MRTFB: variants seen among roughly 807,000 people sequenced by gnomAD.
MRTFB encodes the protein myocardin-related transcription factor B.
In MRTFB, 29 loss-of-function variants were observed where a neutral mutation model predicts 104.2. That is an observed-to-expected ratio of 0.28 (90% confidence interval 0.21 to 0.38). The LOEUF (loss-of-function observed/expected upper bound fraction) is 0.38. Ranked by LOEUF, MRTFB falls within the 10% of genes least tolerant of loss-of-function variation. The pLI is 1.00. For missense variants in MRTFB, 1,270 were observed against 1,341.6 expected (o/e 0.95, Z 0.83); for synonymous variants, 535 against 519.5 (o/e 1.03, Z -0.41).
chr16:14,244,221 C>A (rs369174120), intron 10 of MRTFB, among the ~76,000 whole-genome samples: 10 of 152,088 alleles, frequency 6.6e-5, no homozygotes, highest in Non-Finnish European at 1.2e-4. Context: ...GTGCTGATAG[C>A]AGTTCATTTT....
upstream of MRTFB, among the ~76,000 whole-genome samples, chr16:14,069,024 C>A (rs142653851): frequency 6.6e-3 from 793 of 119,834 alleles, 9 homozygotes; most frequent in African/African-American, 0.024. Flanking sequence ...GGCTGGAGTT[C>A]AATAATGCAA....
rs374918974 is a variant in MRTFB, at chr16:14,135,777, T to A, written c.-63-4767T>A. On this transcript the variant is annotated intron_variant, in intron 2 of 16. Coordinates refer to ENST00000571589, the MANE Select transcript of MRTFB (RefSeq NM_001308142.2). ...GTCCACATTCCTTTACAGTTGTGCT[T>A]TACTGCACCAGCCTTATCTTCTACC... is the stretch of plus-strand genomic sequence containing the variant. Among the ~76,000 whole-genome samples, 62 of 152,336 alleles carry A rather than the reference T, an allele frequency of 4.1e-4. 1 individual carries two copies. The South Asian group carries it at 0.012, about 30-fold the overall frequency.
Position 14,261,498 on chromosome 16 carries a change from A to G in MRTFB, c.*54A>G, listed in dbSNP as rs955743342. On this transcript the variant is annotated 3_prime_UTR_variant, in exon 17 of 17. Coordinates refer to ENST00000571589, the MANE Select transcript of MRTFB (RefSeq NM_001308142.2). ...TGAGGTTTAAGAACATGAAGATTCT[A>G]AAAGGTCAGTTTTTAGAGATAGATC... is the stretch of plus-strand genomic sequence containing the variant. 8.0e-6 allele frequency: 12 copies of G among 1,497,202 alleles called. No homozygotes were observed. Among genetic ancestry groups the G allele is most frequent in the Non-Finnish European group, 9.9e-6 (11 of 1,112,918 alleles). 92.7% of individuals were successfully genotyped at this position (1,497,202 alleles called of 1,614,324 possible).
rs1186281932 is a variant in MRTFB, at chr16:14,246,708, C to T, written c.1448C>T (p.Ala483Val). Residue 483 changes from alanine to valine, a missense_variant, in exon 12 of 17, where the codon GCA becomes GTA. Ala to Val is a moderately conservative substitution (Grantham distance 64). This residue lies in a region of MRTFB where 1,144 missense variants were observed against 1,131.5 expected (regional missense o/e 1.01). Transcript: ENST00000571589. ...ACTAGCTCAGTCTCTACTCTCAAGGCAGAATTGCCACCTACAGGAACCAGC... is the reference window on the plus strand; with the variant it reads ...ACTAGCTCAGTCTCTACTCTCAAGGTAGAATTGCCACCTACAGGAACCAGC... Reference protein sequence around the residue: ...TVTSSVSTLKAELPPTGTSNA... With the variant: ...TVTSSVSTLKVELPPTGTSNA... 3 of 1,614,194 alleles carry T rather than the reference C, an allele frequency of 1.9e-6. No homozygotes were observed. The highest frequency in any genetic ancestry group is 1.7e-5 in the Admixed American group (1 of 60,032).
rs763626967 is a variant in MRTFB at position 14,235,806 on chromosome 16, A to T, written c.831+1523A>T. 1.1e-3 allele frequency among the ~76,000 whole-genome samples: 167 copies of T among 152,302 alleles called. 1 individual carries two copies. Among genetic ancestry groups the T allele is most frequent in the Admixed American group, 1.3e-3 (20 of 15,298 alleles). On this transcript the variant is annotated intron_variant, in intron 9 of 16. Coordinates refer to ENST00000571589, the MANE Select transcript of MRTFB (RefSeq NM_001308142.2). ...TGGGACAATTATTTTATCACTCTAC[A>T]ACGATTATACTCGAACCGCATTTTG... is the stretch of plus-strand genomic sequence containing the variant.
intron 3 of MRTFB, among the ~76,000 whole-genome samples, chr16:14,159,746 G>T (rs1157523581): frequency 6.6e-6 from 1 of 151,288 alleles, no homozygotes. Context: ...CGGCTAAAAC[G>T]GTGAAACCCC....
intron 13 of MRTFB, among the ~76,000 whole-genome samples, chr16:14,250,739 G>A (rs761841561): frequency 2.6e-5 from 4 of 152,286 alleles, no homozygotes; most frequent in Admixed American, 6.5e-5. Flanking sequence ...GGTCTATGCC[G>A]CAAGGCTGCT....
intron 2 of MRTFB, among the ~76,000 whole-genome samples, chr16:14,083,428 A>T (rs2034522764): frequency 6.6e-6 from 1 of 152,184 alleles, no homozygotes; most frequent in Admixed American, 6.5e-5. Context: ...AGTCTGCCTC[A>T]TAGGGGATAC....
chr16:14,221,602 A>AAGAT (rs2041709216), intron 8 of MRTFB, among the ~76,000 whole-genome samples: 1 of 152,206 alleles, frequency 6.6e-6, no homozygotes, highest in South Asian at 2.1e-4. Flanking sequence ...CTTGTAAAGC[A>AAGAT]AGATAATAAA....
chr16:14,214,576 C>T (rs2041335801), intron 6 of MRTFB, among the ~76,000 whole-genome samples: 1 of 151,882 alleles, frequency 6.6e-6, no homozygotes, highest in African/African-American at 2.4e-5. Context: ...TAGAGGTGTT[C>T]CTTCATTGGC....
chr16:14,080,600 A>G lies in MRTFB; in HGVS notation c.-64+1246A>G, dbSNP rs373944599. 4.0e-4 allele frequency among the ~76,000 whole-genome samples: 61 copies of G among 152,276 alleles called. 1 individual carries two copies. The East Asian group carries it at 9.6e-3, about 24-fold the overall frequency. On this transcript the variant is annotated intron_variant, in intron 2 of 16. Coordinates refer to ENST00000571589, the MANE Select transcript of MRTFB (RefSeq NM_001308142.2). ...TAGATCTCTTTGAATTATTCCTTCT[A>G]TATCTAACTGGAATTTTGTATTCTT...
At chr16:14,227,188 A>G (rs1425467940) in intron 8 of MRTFB, among the ~76,000 whole-genome samples, 5 of 152,234 alleles carry the variant, frequency 3.3e-5, no homozygotes, top group Admixed American at 6.5e-5. Flanking sequence ...CATTCGGGTC[A>G]TGGGGGCAGA....
chr16:14,221,780 T>C (rs2041725646), intron 8 of MRTFB, among the ~76,000 whole-genome samples: 1 of 3,598 alleles, frequency 2.8e-4, no homozygotes, highest in African/African-American at 1.5e-3. Context: ...TTTCTTTCCT[T>C]TTTTTTTTTT....
chr16:14,214,255 G>A (rs951822837), intron 6 of MRTFB, among the ~76,000 whole-genome samples: 2 of 152,138 alleles, frequency 1.3e-5, no homozygotes, highest in African/African-American at 4.8e-5. Context: ...CAACTCCCAA[G>A]TTACATTTTC....
intron 3 of MRTFB, chr16:14,148,695 T>A (rs2038452206): frequency 6.5e-6 from 1 of 152,674 alleles, no homozygotes; most frequent in Non-Finnish European, 1.5e-5. Flanking sequence ...AGTCAGGACT[T>A]CAGTCTCCTC....
chr16:14,085,856 T>C (rs1243280780), intron 2 of MRTFB, among the ~76,000 whole-genome samples: 1 of 152,266 alleles, frequency 6.6e-6, no homozygotes, highest in East Asian at 1.9e-4. Flanking sequence ...TGTGACATTT[T>C]GTTTGAAATG....
intron 3 of MRTFB, among the ~76,000 whole-genome samples, chr16:14,180,641 G>A (rs1466242897): frequency 6.6e-5 from 10 of 152,222 alleles, no homozygotes; most frequent in African/African-American, 1.9e-4. Flanking sequence ...GAGGAGCCAC[G>A]CAAGCTGTCC....
At chr16:14,047,997 A>G in the MRTFB span, among the ~76,000 whole-genome samples, 1 of 152,234 alleles carries the variant, frequency 6.6e-6, no homozygotes, top group East Asian at 1.9e-4. Flanking sequence ...CCTTCTGCCT[A>G]TGAGCCTGTA....
Position 14,161,085 on chromosome 16 carries a change from C to CTTTTTTT in MRTFB, c.154+20345_154+20351dup, listed in dbSNP as rs57360069. On this transcript the variant is annotated intron_variant, in intron 3 of 16. Transcript: ENST00000571589. The stretch of plus-strand genomic sequence containing the variant: ...TCTGTTTTAGTAGGTAATGCCAGGA[C>CTTTTTTT]TTTTTTTTTTTTTTTTTTTTTTTTT... Among the ~76,000 whole-genome samples the CTTTTTTT allele has an allele frequency of 1.0e-3, 55 of 53,122 alleles. 10 individuals are homozygous for CTTTTTTT. The highest frequency in any genetic ancestry group is 4.9e-3 in the African/African-American group (50 of 10,286). The allele number at this position is 53,122 out of a possible 152,430, so 34.9% of individuals were successfully genotyped here.
Sources: allele counts gnomAD v4.1 joint callset (sites outside exome capture counted in the v4.1 genomes callset), GRCh38; gene constraint gnomAD v4.1.1; regional missense constraint gnomAD v4.1.1; transcripts MANE v1.5; gene names NCBI Gene and HGNC (gene_info 2026-07-23, HGNC 2026-07-21).